TTYH3: variants seen among roughly 807,000 people sequenced by gnomAD.
The protein encoded by TTYH3 is protein tweety homolog 3.
Under a neutral mutation model 68.2 loss-of-function variants are expected in TTYH3, and 23 were observed. That is an observed-to-expected ratio of 0.34 (90% CI 0.24 to 0.48). The LOEUF (loss-of-function observed/expected upper bound fraction) is 0.48. TTYH3 is among the 20% of genes least tolerant of loss of function. The pLI, the probability that TTYH3 is intolerant of heterozygous loss-of-function variation, is 0.99. For synonymous variants in TTYH3, 360 were observed against 332.8 expected, an observed-to-expected ratio of 1.08 and a Z score of -0.89; for missense variants, 768 against 727.7, an observed-to-expected ratio of 1.06 and a Z score of -0.64.
At chr7:2,653,768 C>T (rs1786256732) in intron 9 of TTYH3, among the ~76,000 whole-genome samples, 1 of 152,224 alleles carries the variant, frequency 6.6e-6, no homozygotes. Flanking sequence ...GAGGCTGAGG[C>T]AGGAGAATCA....
At chr7:2,640,933 A>G (rs760034758) in intron 1 of TTYH3, among the ~76,000 whole-genome samples, 6 of 152,240 alleles carry the variant, frequency 3.9e-5, no homozygotes, top group Non-Finnish European at 8.8e-5. Flanking sequence ...AGGTTCACAC[A>G]GAGCAAAGGC....
chr7:2,657,103 T>C (rs141102688), intron 11 of TTYH3, among the ~76,000 whole-genome samples: 14 of 152,298 alleles, frequency 9.2e-5, no homozygotes, highest in Admixed American at 9.2e-4. Flanking sequence ...CAGTACTGGT[T>C]TGAGTGGTGT....
At chr7:2,649,682 G>C in intron 6 of TTYH3, 43 bp downstream of exon 6, 1 of 1,570,876 alleles carries the variant, frequency 6.4e-7, no homozygotes. Flanking sequence ...CTGGACCTGG[G>C]CACTGGGGGA....
intron 9 of TTYH3, among the ~76,000 whole-genome samples, chr7:2,655,820 T>C (rs554200635): frequency 6.6e-6 from 1 of 152,316 alleles, no homozygotes; most frequent in Admixed American, 6.5e-5. Context: ...GGGAGGTCTG[T>C]CTTCACGTAG....
intron 7 of TTYH3, 85 bp downstream of exon 7, chr7:2,650,073 C>A (rs1410587003): frequency 7.0e-7 from 1 of 1,424,024 alleles, no homozygotes; most frequent in Non-Finnish European, 9.8e-7. Context: ...GGCCGAGACA[C>A]CCCTGCCCTG....
chr7:2,640,474 C>T (rs1223728841), intron 1 of TTYH3, among the ~76,000 whole-genome samples: 1 of 152,198 alleles, frequency 6.6e-6, no homozygotes, highest in Non-Finnish European at 1.5e-5. Context: ...TGCTTCCTCA[C>T]ACGCTGCCAG....
chr7:2,647,089 G>A (rs1329480913), intron 2 of TTYH3, 53 bp from the exon 3 acceptor site: 20 of 1,540,072 alleles, frequency 1.3e-5, no homozygotes, highest in African/African-American at 4.1e-5. Flanking sequence ...CGGGGCTGGA[G>A]TGGGGTGTGT....
intron 7 of TTYH3, among the ~76,000 whole-genome samples, chr7:2,650,445 G>A (rs189545783): frequency 5.9e-5 from 9 of 152,112 alleles, no homozygotes; most frequent in African/African-American, 1.2e-4. Flanking sequence ...GGGTGTGGTC[G>A]TGGGTGCCTG....
At chr7:2,647,055 G>T in intron 2 of TTYH3, 33 bp downstream of exon 2, 1 of 1,289,982 alleles carries the variant, frequency 7.8e-7, no homozygotes. Context: ...GGAGGGCGGG[G>T]CCAGAGGGGG....
intron 11 of TTYH3, among the ~76,000 whole-genome samples, chr7:2,656,926 G>T (rs1015326969): frequency 1.8e-4 from 28 of 152,248 alleles, no homozygotes; most frequent in Non-Finnish European, 8.8e-5. Flanking sequence ...ACGACGCTGT[G>T]GGGGAAAGGT....
At position 2,663,188 on chromosome 7, in the gene TTYH3, GGGGCAGCCAGA is replaced by G. The variant is rs1312767648; in HGVS notation, c.*1457_*1467del. The G allele has an allele frequency of 6.6e-6, 1 of 152,526 alleles. No homozygotes were observed. Among genetic ancestry groups the G allele is most frequent in the African/African-American group, 2.4e-5 (1 of 41,468 alleles). The allele number at this position is 152,526 out of a possible 1,614,324, so 9.4% of individuals were successfully genotyped here. A position where few individuals can be genotyped will look rare whatever the true frequency, so the allele number is the denominator to read the frequency against. On this transcript the variant is annotated 3_prime_UTR_variant, in exon 14 of 14. Transcript: ENST00000258796. ...AGGCTCGATGCCTGTGCCAAGGCCAGGGGCAGCCAGAGGGCAGCTGGATGGCCACGTGCAGG... is the reference window on the plus strand; with the variant it reads ...AGGCTCGATGCCTGTGCCAAGGCCAGGGGCAGCTGGATGGCCACGTGCAGG...
At chr7:2,651,432 TA>T (rs1786173592) in intron 7 of TTYH3, among the ~76,000 whole-genome samples, 1 of 152,186 alleles carries the variant, frequency 6.6e-6, no homozygotes, top group South Asian at 2.1e-4. Context: ...CCCGCTCTGC[TA>T]GGGGCGGGGA....
intron 1 of TTYH3, among the ~76,000 whole-genome samples, chr7:2,637,406 G>T (rs894016029): frequency 2.0e-5 from 3 of 152,116 alleles, no homozygotes; most frequent in Non-Finnish European, 4.4e-5. Context: ...CTGGGAGGTG[G>T]ACACTGTGTC....
At chr7:2,641,548 C>T (rs575076295) in intron 1 of TTYH3, among the ~76,000 whole-genome samples, 12 of 152,336 alleles carry the variant, frequency 7.9e-5, no homozygotes, top group South Asian at 6.2e-4. Flanking sequence ...GTGCAGTTTT[C>T]GCCTCGCCTG....
rs1285077965 is a variant in TTYH3, at chr7:2,646,885, C to T, written c.156C>T (p.Ala52=). The T allele has an allele frequency of 6.3e-7, 1 of 1,597,998 alleles. No individual in the cohort carries two copies. Among genetic ancestry groups the T allele is most frequent in the South Asian group, 1.1e-5 (1 of 90,728 alleles). The change falls in exon 2 of 14, where the codon GCC becomes GCT. Residue 52 remains alanine (A), a synonymous_variant. Coordinates refer to ENST00000258796, the MANE Select transcript of TTYH3 (RefSeq NM_025250.3). ...TGCTCCTGGGGGCCGCCGCCCTGGC[C>T]TGCCTCGCCCTGGACCTCCTCTTCC... ...ALLLLGAAAL[A]CLALDLLFLL...
In TTYH3 at chr7:2,647,036, G is replaced by T; in HGVS notation, c.293+14G>T. ...GCTGGTGTGCAGGTGAGCGCGGTGG[G>T]GCGGGGACGGAGGGCGGGGCCAGAG... On this transcript the variant is annotated intron_variant, in intron 2 of 13. Transcript: ENST00000258796. The T allele has an allele frequency of 6.5e-7, 1 of 1,542,002 alleles. No homozygotes were observed.
In TTYH3 at chr7:2,659,815, G is replaced by T. The variant is rs964351427; in HGVS notation, c.1500+800G>T. ...GCCACACAGGTGCAGGCCCAGTCCC[G>T]CTCGGCTGCCCTCGTCCTCGCCATC... On this transcript the variant is annotated intron_variant, in intron 13 of 13. Coordinates refer to ENST00000258796, the MANE Select transcript of TTYH3 (RefSeq NM_025250.3). The T allele has an allele frequency of 3.3e-6, 4 of 1,194,070 alleles. No individual in the cohort carries two copies. The African/African-American group carries it at 6.3e-5, about 19-fold the overall frequency. The allele number at this position is 1,194,070 out of a possible 1,614,324, so 74.0% of individuals were successfully genotyped here.
At position 2,645,170 on chromosome 7, in the gene TTYH3, A is replaced by C. The variant is rs1229989929; in HGVS notation, c.124-1683A>C. Among the ~76,000 whole-genome samples the C allele has an allele frequency of 6.6e-6, 1 of 152,154 alleles. No homozygotes were observed. The highest frequency in any genetic ancestry group is 1.5e-5 in the Non-Finnish European group (1 of 68,018). Reference sequence around the variant, plus strand: ...CCTCTAGGTGGTCCCTGGCCCCATGATGAGGCGCAGCCCTGTATCAGCTCC... The same window carrying C: ...CCTCTAGGTGGTCCCTGGCCCCATGCTGAGGCGCAGCCCTGTATCAGCTCC... On this transcript the variant is annotated intron_variant, in intron 1 of 13. Coordinates refer to ENST00000258796, the MANE Select transcript of TTYH3 (RefSeq NM_025250.3). This position sits in a 1 kb window ranked among gnomAD's most constrained non-coding sequence, Gnocchi z 4.8.
At position 2,658,997 on chromosome 7, in the gene TTYH3, C is replaced by T. The variant is rs368400415; in HGVS notation, c.1482C>T (p.Arg494=). The T allele has an allele frequency of 3.3e-5, 54 of 1,614,028 alleles. No individual in the cohort carries two copies. The African/African-American group carries it at 5.5e-4, about 16-fold the overall frequency. The change falls in exon 13 of 14, where the codon CGC becomes CGT. Residue 494 remains arginine (R), a synonymous_variant. Coordinates refer to ENST00000258796, the MANE Select transcript of TTYH3 (RefSeq NM_025250.3). ...PRCENTPLIG[R]ESPPPSYTSS... ...GTGAGAACACCCCACTCATTGGGCGCGAGTCCCCGCCGCCCTCAGTAAGTC... is the reference window on the plus strand; with the variant it reads ...GTGAGAACACCCCACTCATTGGGCGTGAGTCCCCGCCGCCCTCAGTAAGTC...
Sources: gnomAD v4.1 joint callset for allele counts (sites outside exome capture counted in the v4.1 genomes callset) on GRCh38, gnomAD v4.1.1 for gene constraint, Gnocchi (gnomAD v3.1) non-coding constraint, MANE v1.5 for transcripts, NCBI Gene and HGNC (gene_info 2026-07-23, HGNC 2026-07-21) for gene names.